The following PCDHA11 variants were observed in gnomAD, a reference collection of about 807,000 sequenced individuals.
PCDHA11 encodes the protein protocadherin alpha-11.
PCDHA11 carries 61 observed loss-of-function variants against 70.3 expected under a neutral mutation model. The ratio of observed to expected loss-of-function variants is 0.87; its 90% CI spans 0.71 to 1.07. The LOEUF (loss-of-function observed/expected upper bound fraction) is 1.07, where lower values mean the gene tolerates loss of function less well. Ranked by LOEUF, PCDHA11 falls within the 50% of genes least tolerant of loss-of-function variation. The pLI, the probability that PCDHA11 is intolerant of heterozygous loss-of-function variation, is 0.00. For missense variants in PCDHA11, 1,324 were observed against 1,237.5 expected (o/e 1.07, Z -1.05); for synonymous variants, 633 against 555.1 (o/e 1.14, Z -1.97).
In PCDHA11 at chr5:140,928,550, C is replaced by T. The variant is rs781857799; in HGVS notation, c.2392-50399C>T. The T allele has an allele frequency of 3.7e-6, 6 of 1,614,160 alleles. No individual in the cohort carries two copies. Among genetic ancestry groups the T allele is most frequent in the South Asian group, 3.3e-5 (3 of 91,084 alleles). On this transcript the variant is annotated intron_variant, in intron 1 of 3. Transcript: ENST00000398640. ...GTGGTAGATAGGAATGACAATTATC[C>T]GGTTATCTTGTTTCCCTTGCCCAGA...
intron 1 of PCDHA11, chr5:140,877,884 C>T: frequency 6.8e-7 from 1 of 1,465,050 alleles, no homozygotes; most frequent in Non-Finnish European, 9.0e-7. Context: ...CCTTGAAGAA[C>T]TTCCGTTTAG....
At chr5:140,963,346 A>G (rs2095758163) in intron 1 of PCDHA11, among the ~76,000 whole-genome samples, 1 of 152,236 alleles carries the variant, frequency 6.6e-6, no homozygotes, top group Non-Finnish European at 1.5e-5. Flanking sequence ...TTGTAAATTT[A>G]GTTCTTTTCA....
At position 140,870,870 on chromosome 5, in the gene PCDHA11, G is replaced by A; in HGVS notation, c.1767G>A (p.Val589=). The change falls in exon 1 of 4, where the codon GTG becomes GTA. Residue 589 remains valine, a synonymous_variant. Coordinates refer to ENST00000398640, the MANE Select transcript of PCDHA11 (RefSeq NM_018902.5). ...CGCGGTCGGTGGGTGCGGGCCACGT[G>A]GTGGCGAAGGTGCGCGCAGTGGATG... is the stretch of plus-strand genomic sequence containing the variant. ...LVPRSVGAGH[V]VAKVRAVDAD... is the part of the protein sequence containing the mutation. The A allele has an allele frequency of 6.2e-7, 1 of 1,613,948 alleles. No homozygotes were observed. The highest frequency in any genetic ancestry group is 8.5e-7 in the Non-Finnish European group (1 of 1,179,912).
At chr5:140,885,174 A>G (rs568198348) in intron 1 of PCDHA11, among the ~76,000 whole-genome samples, 11 of 152,108 alleles carry the variant, frequency 7.2e-5, no homozygotes, top group African/African-American at 2.6e-4. Context: ...TTTGTCCTCT[A>G]GGCACATCAG....
intron 1 of PCDHA11, among the ~76,000 whole-genome samples, chr5:140,956,484 A>G (rs868955895): frequency 1.3e-5 from 2 of 152,226 alleles, no homozygotes; most frequent in South Asian, 2.1e-4. Flanking sequence ...CCAGTCTTGC[A>G]TCCCAGGGAT....
intron 1 of PCDHA11, among the ~76,000 whole-genome samples, chr5:140,941,270 T>C (rs1437273239): frequency 1.2e-4 from 17 of 136,774 alleles, no homozygotes; most frequent in Admixed American, 2.3e-4. Flanking sequence ...TCTTTCTTTC[T>C]TTCCTTCCTT....
intron 1 of PCDHA11, chr5:140,926,823 G>C (rs1454618329): frequency 6.7e-7 from 1 of 1,496,998 alleles, no homozygotes; most frequent in Non-Finnish European, 8.9e-7. Context: ...TGCTCTCCAG[G>C]AGTCCGGAGC....
At chr5:140,968,639 GC>G in intron 1 of PCDHA11, 1 of 1,614,150 alleles carries the variant, frequency 6.2e-7, no homozygotes, top group Non-Finnish European at 8.5e-7. Context: ...TTACCATCTA[GC>G]CCAGACTTCT....
chr5:141,009,992 C>G lies in PCDHA11; in HGVS notation c.*55C>G. 1 of 1,578,492 alleles carries G rather than the reference C, an allele frequency of 6.3e-7. No homozygotes were observed. On this transcript the variant is annotated 3_prime_UTR_variant, in exon 4 of 4. Transcript: ENST00000398640. ...CAGTTTTTGTAATAATGGCAAATCT[C>G]TCCCATGTAGCAATTCCCTGCTCCT...
chr5:140,984,164 A>G (rs1471799520), intron 3 of PCDHA11, among the ~76,000 whole-genome samples: 1 of 152,208 alleles, frequency 6.6e-6, no homozygotes, highest in Non-Finnish European at 1.5e-5. Context: ...GAACTTCCCA[A>G]AGAAGCCACG....
Position 140,978,973 on chromosome 5 carries a change from C to T in PCDHA11, c.2416C>T (p.Arg806Cys), listed in dbSNP as rs141879545. Residue 806 changes from arginine (R) to cysteine (C), a missense_variant, in exon 2 of 4, where the codon CGT becomes TGT. Transcript: ENST00000398640. ...GCCACGACAGCCCAACCCTGACTGG[C>T]GTTACTCTGCCTCCCTGAGAGCAGG... is the stretch of plus-strand genomic sequence containing the variant. ...GQPRQPNPDW[R>C]YSASLRAGMH... 1.5e-5 allele frequency: 24 copies of T among 1,614,060 alleles called. No individual in the cohort carries two copies. Among genetic ancestry groups the T allele is most frequent in the Middle Eastern group, 3.3e-4 (2 of 6,084 alleles).
At chr5:140,966,868 G>A (rs781853403) in intron 1 of PCDHA11, 47 of 1,580,198 alleles carry the variant, frequency 3.0e-5, no homozygotes, top group Non-Finnish European at 3.7e-5. Flanking sequence ...TGTTGCTGCT[G>A]CTGCTACCTG....
chr5:140,927,634 A>G, intron 1 of PCDHA11: 1 of 1,614,184 alleles, frequency 6.2e-7, no homozygotes, highest in Non-Finnish European at 8.5e-7. Context: ...GACTGCACCC[A>G]ATGGGACTGT....
intron 1 of PCDHA11, among the ~76,000 whole-genome samples, chr5:140,965,161 G>A (rs151157194): frequency 1.5e-4 from 23 of 152,334 alleles, no homozygotes; most frequent in African/African-American, 5.5e-4. Flanking sequence ...GAGAAAGGAC[G>A]TTTTAGTGAG....
chr5:141,009,942 C>T lies in PCDHA11; in HGVS notation c.*5C>T, dbSNP rs782819309. The T allele has an allele frequency of 6.3e-7, 1 of 1,597,438 alleles. No individual in the cohort carries two copies. The highest frequency in any genetic ancestry group is 1.1e-5 in the South Asian group (1 of 87,840). ...ACTGACAACAGTGACCAGTGAGGTCCTCAAATGGAAACAAGCCACTTAGCC... is the reference window on the plus strand; with the variant it reads ...ACTGACAACAGTGACCAGTGAGGTCTTCAAATGGAAACAAGCCACTTAGCC... On this transcript the variant is annotated 3_prime_UTR_variant, in exon 4 of 4. Coordinates refer to ENST00000398640, the MANE Select transcript of PCDHA11 (RefSeq NM_018902.5).
chr5:140,960,993 A>G (rs1053601284), intron 1 of PCDHA11, among the ~76,000 whole-genome samples: 1 of 152,140 alleles, frequency 6.6e-6, no homozygotes, highest in Non-Finnish European at 1.5e-5. Context: ...AAAATGCTCA[A>G]TTTGCTGCTG....
chr5:140,884,439 C>G (rs1554181562), intron 1 of PCDHA11: 2 of 1,613,818 alleles, frequency 1.2e-6, no homozygotes, highest in East Asian at 2.2e-5. Context: ...CTGCGGTGCT[C>G]GGCACCGCCC....
Position 141,000,395 on chromosome 5 carries a change from C to CTA in PCDHA11, c.2540-9206_2540-9205dup, listed in dbSNP as rs1190667031. 1.6e-3 allele frequency among the ~76,000 whole-genome samples: 89 copies of CTA among 53,960 alleles called. 3 individuals carry two copies. Among genetic ancestry groups the CTA allele is most frequent in the Non-Finnish European group, 2.3e-3 (71 of 31,108 alleles). 35.4% of individuals were successfully genotyped at this position (53,960 alleles called of 152,430 possible). A position where few individuals can be genotyped will look rare whatever the true frequency, so the allele number is the denominator to read the frequency against. ...TCTCTCTCTCTCTCTCTCTCTCTCT[C>CTA]TATATATATATATATATATATATAT... On this transcript the variant is annotated intron_variant, in intron 3 of 3. Coordinates refer to ENST00000398640, the MANE Select transcript of PCDHA11 (RefSeq NM_018902.5).
intron 1 of PCDHA11, among the ~76,000 whole-genome samples, chr5:140,873,079 TC>T (rs544069393): frequency 1.1e-4 from 17 of 152,076 alleles, no homozygotes; most frequent in Admixed American, 4.6e-4. Context: ...TCTAGCTATT[TC>T]CCCCCCGTAT....
Sources: gnomAD v4.1 joint callset for allele counts (sites outside exome capture counted in the v4.1 genomes callset) on GRCh38, gnomAD v4.1.1 for gene constraint, MANE v1.5 for transcripts, NCBI Gene and HGNC (gene_info 2026-07-23, HGNC 2026-07-21) for gene names.